Variants in MAF observed in about 807,000 individuals in gnomAD.
MAF encodes transcription factor Maf.
A neutral mutation model predicts 22.0 loss-of-function variants in MAF; 10 were observed. The observed-to-expected ratio is 0.45, with a 90% CI of 0.28 to 0.77. The LOEUF is 0.77. Among genes scored for constraint, MAF ranks in the 30% least tolerant of loss-of-function variants. MAF has a pLI of 0.12. For synonymous variants in MAF, 337 were observed against 255.8 expected, an observed-to-expected ratio of 1.32 and a Z score of -3.03; for missense variants, 544 against 548.4, an observed-to-expected ratio of 0.99 and a Z score of 0.08.
chr16:79,311,770 C>A, the MAF span, among the ~76,000 whole-genome samples: 1 of 152,196 alleles, frequency 6.6e-6, no homozygotes, highest in Non-Finnish European at 1.5e-5. Context: ...TGATGCCACA[C>A]CTGGCAAATC....
At chr16:79,265,461 A>G in the MAF span, among the ~76,000 whole-genome samples, 28,040 of 152,074 alleles carry the variant, frequency 0.18, 2,861 homozygotes, top group African/African-American at 0.22. Context: ...TAAGTACAGC[A>G]GTTCTCCCTT....
At chr16:79,492,403 C>T in the MAF span, among the ~76,000 whole-genome samples, 4 of 151,962 alleles carry the variant, frequency 2.6e-5, no homozygotes, top group East Asian at 3.9e-4. Flanking sequence ...AAAGAAAGAC[C>T]GGATCTGACC....
rs1913826978 is a variant in MAF at position 79,599,291 on chromosome 16, G to A, written c.612C>T (p.Gly204=). The A allele has an allele frequency of 1.0e-6, 1 of 979,694 alleles. No individual in the cohort carries two copies. Among genetic ancestry groups the A allele is most frequent in the Non-Finnish European group, 1.2e-6 (1 of 827,946 alleles). 60.7% of individuals were successfully genotyped at this position (979,694 alleles called of 1,614,324 possible). A position where few individuals can be genotyped will look rare whatever the true frequency, so the allele number is the denominator to read the frequency against. ...HPTAGAPGAA[G]SAAASAGGAG... ...CGCCACCGGCCGAGGCGGCCGCGCT[G>A]CCCGCGGCGCCGGGCGCGCCGGCCG... Residue 204 remains glycine, a synonymous_variant, in exon 1 of 2, where the codon GGC becomes GGT. Coordinates refer to ENST00000326043, the MANE Select transcript of MAF (RefSeq NM_005360.5).
chr16:79,208,064 A>T, the MAF span, among the ~76,000 whole-genome samples: 1 of 152,206 alleles, frequency 6.6e-6, no homozygotes, highest in Non-Finnish European at 1.5e-5. Flanking sequence ...TGCAAATCTG[A>T]CAGATGATTT....
At chr16:79,328,201 T>C in the MAF span, among the ~76,000 whole-genome samples, 1 of 152,308 alleles carries the variant, frequency 6.6e-6, no homozygotes, top group South Asian at 2.1e-4. Flanking sequence ...TTATTTTTTC[T>C]TCGCTTATTT....
At chr16:79,440,584 C>T in the MAF span, among the ~76,000 whole-genome samples, 1,385 of 152,198 alleles carry the variant, frequency 9.1e-3, 25 homozygotes, top group African/African-American at 0.032. Context: ...TACAGGTATG[C>T]GCCACCATGC....
chr16:79,540,224 A>C, the MAF span, among the ~76,000 whole-genome samples: 1 of 151,782 alleles, frequency 6.6e-6, no homozygotes. Flanking sequence ...GACTCTGAGA[A>C]AAAGCTGGCC....
chr16:79,287,189 T>C, the MAF span, among the ~76,000 whole-genome samples: 1 of 151,946 alleles, frequency 6.6e-6, no homozygotes, highest in East Asian at 1.9e-4. Context: ...TAATTAAGCA[T>C]TGCAGCCCAT....
chr16:79,208,631 A>AT, the MAF span, among the ~76,000 whole-genome samples: 24,574 of 151,090 alleles, frequency 0.16, 3,168 homozygotes, highest in African/African-American at 0.36. Context: ...TGCTCTTTAA[A>AT]TTTTTTTTTT....
At position 79,598,921 on chromosome 16, in the gene MAF, C is replaced by T. The variant is rs2143799206; in HGVS notation, c.982G>A (p.Asp328Asn). 2 of 1,613,610 alleles carry T rather than the reference C, an allele frequency of 1.2e-6. No homozygotes were observed. The highest frequency in any genetic ancestry group is 8.5e-7 in the Non-Finnish European group (1 of 1,179,948). ...CTGGAGATCTCCTGCTTGAGGTGGTCGACTTGCTGCAGCAGCTGGTTCTTC... is the reference window on the plus strand; with the variant it reads ...CTGGAGATCTCCTGCTTGAGGTGGTTGACTTGCTGCAGCAGCTGGTTCTTC... ...SEKNQLLQQV[D>N]HLKQEISRLV... Residue 328 changes from aspartate to asparagine, a missense_variant, in exon 1 of 2, where the codon GAC becomes AAC. Transcript: ENST00000326043.
chr16:79,470,723 T>C, the MAF span, among the ~76,000 whole-genome samples: 1 of 152,198 alleles, frequency 6.6e-6, no homozygotes, highest in African/African-American at 2.4e-5. Context: ...CAGGATTCCA[T>C]TGTCCAACAC....
At chr16:79,563,924 G>A in the MAF span, among the ~76,000 whole-genome samples, 5 of 152,218 alleles carry the variant, frequency 3.3e-5, no homozygotes, top group Non-Finnish European at 1.5e-5. Flanking sequence ...AGGATCACCT[G>A]TGATCATTTT....
the MAF span, among the ~76,000 whole-genome samples, chr16:79,528,271 CCT>C: frequency 6.6e-6 from 1 of 152,160 alleles, no homozygotes; most frequent in East Asian, 1.9e-4. Context: ...CCCTTTGTCC[CCT>C]CTCATGGCAG....
At chr16:79,503,927 A>G in the MAF span, among the ~76,000 whole-genome samples, 1 of 152,230 alleles carries the variant, frequency 6.6e-6, no homozygotes, top group Non-Finnish European at 1.5e-5. Flanking sequence ...ATTAGGCCAA[A>G]TATTAATAAA....
chr16:79,336,924 G>A, the MAF span, among the ~76,000 whole-genome samples: 1 of 152,148 alleles, frequency 6.6e-6, no homozygotes, highest in African/African-American at 2.4e-5. Flanking sequence ...TGTACAAGAC[G>A]TTGTGAGAGG....
the MAF span, among the ~76,000 whole-genome samples, chr16:79,217,212 T>G: frequency 2.9e-3 from 444 of 152,324 alleles, 6 homozygotes; most frequent in Admixed American, 0.022. Flanking sequence ...AAGTGAGTTT[T>G]AGAGAGAAAG....
the MAF span, among the ~76,000 whole-genome samples, chr16:79,323,416 G>T: frequency 6.6e-6 from 1 of 152,000 alleles, no homozygotes; most frequent in East Asian, 1.9e-4. Flanking sequence ...ATACATCTCT[G>T]TGTTGTTTCC....
At chr16:79,578,305 A>G in the MAF span, among the ~76,000 whole-genome samples, 2 of 152,100 alleles carry the variant, frequency 1.3e-5, no homozygotes, top group Non-Finnish European at 2.9e-5. Context: ...TAAGATTTAT[A>G]CCAGGGACCC....
At chr16:79,455,923 C>T in the MAF span, among the ~76,000 whole-genome samples, 170 of 152,182 alleles carry the variant, frequency 1.1e-3, 1 homozygote, top group Non-Finnish European at 1.8e-3. Context: ...GAGACTGAGA[C>T]GGGAGAATTG....
Sources: gnomAD v4.1 joint callset for allele counts (sites outside exome capture counted in the v4.1 genomes callset) on GRCh38, gnomAD v4.1.1 for gene constraint, MANE v1.5 for transcripts, NCBI Gene and HGNC (gene_info 2026-07-23, HGNC 2026-07-21) for gene names.